Variants in ZEB1 observed in about 807,000 individuals in gnomAD.
ZEB1 encodes zinc finger E-box binding homeobox 1.
In ZEB1, 21 loss-of-function variants were observed where a neutral mutation model predicts 84.9. The observed-to-expected ratio is 0.25, with a 90% confidence interval of 0.18 to 0.36. The LOEUF is 0.36. ZEB1 is among the 10% of genes least tolerant of loss of function. ZEB1 has a pLI of 1.00. For missense variants in ZEB1, 1,104 were observed against 1,330.2 expected (o/e 0.83, Z 2.65); for synonymous variants, 420 against 471.1 (o/e 0.89, Z 1.41).
chr10:31,344,672 C>T (rs1485286917), intron 1 of ZEB1, among the ~76,000 whole-genome samples: 2 of 152,026 alleles, frequency 1.3e-5, no homozygotes, highest in African/African-American at 4.8e-5. Context: ...TTCGCTGTAC[C>T]TCATACACTT....
intron 1 of ZEB1, among the ~76,000 whole-genome samples, chr10:31,418,577 A>C (rs781478863): frequency 6.6e-6 from 1 of 152,096 alleles, no homozygotes; most frequent in Non-Finnish European, 1.5e-5. Context: ...GATGTTGTTT[A>C]AGGTTTATTT....
At chr10:31,442,917 T>C (rs147211670) in intron 1 of ZEB1, among the ~76,000 whole-genome samples, 2 of 152,102 alleles carry the variant, frequency 1.3e-5, no homozygotes, top group African/African-American at 2.4e-5. Context: ...TAAGATAAAA[T>C]AGGAAGAAAC....
chr10:31,516,953 A>T lies in ZEB1; in HGVS notation c.793+2245A>T, dbSNP rs114348382. On this transcript the variant is annotated intron_variant, in intron 6 of 8. Transcript: ENST00000424869. ...AAACCCTGTGTTACTCATTCTTGAG[A>T]TAAGTACAGAAATTGAGAGTAAGCA... Among the ~76,000 whole-genome samples the T allele has an allele frequency of 5.6e-3, 852 of 152,184 alleles. 13 individuals carry two copies. Among genetic ancestry groups the T allele is most frequent in the African/African-American group, 0.02 (817 of 41,532 alleles).
chr10:31,505,482 A>G (rs1245632435), intron 4 of ZEB1, among the ~76,000 whole-genome samples: 1 of 151,738 alleles, frequency 6.6e-6, no homozygotes, highest in Non-Finnish European at 1.5e-5. Flanking sequence ...CAGGTTTTCT[A>G]TTTCTTTCTA....
In ZEB1 at chr10:31,523,980, T is replaced by A; in HGVS notation, c.2652T>A (p.Asp884Glu). Residue 884 changes from aspartate (D) to glutamate (E), a missense_variant, in exon 8 of 9, where the codon GAT becomes GAA. Physicochemically the swap from Asp to Glu is conservative, Grantham distance 45. Around this residue, in one of 7 missense-constraint regions of ZEB1, gnomAD observed 531 missense variants for 575.2 expected, o/e 0.92. Coordinates refer to ENST00000424869, the MANE Select transcript of ZEB1 (RefSeq NM_001174096.2). ...CAGAAGGAGTATCAAATGTAGAGGA[T>A]CAGAATGACTCTGATTCTACACCGC... ...TSSEGVSNVE[D>E]QNDSDSTPPK... 1 of 1,613,930 alleles carries A rather than the reference T, an allele frequency of 6.2e-7. No homozygotes were observed. Among genetic ancestry groups the A allele is most frequent in the Non-Finnish European group, 8.5e-7 (1 of 1,179,930 alleles).
chr10:31,401,366 T>C (rs1415196406), intron 1 of ZEB1, among the ~76,000 whole-genome samples: 1 of 152,176 alleles, frequency 6.6e-6, no homozygotes, highest in Admixed American at 6.5e-5. Context: ...AGGTATGGAA[T>C]TGTGATCTCC....
At position 31,521,714 on chromosome 10, in the gene ZEB1, C is replaced by T; in HGVS notation, c.2382C>T (p.Ile794=). 6.2e-7 allele frequency: 1 copy of T among 1,614,156 alleles called. No individual in the cohort carries two copies. The highest frequency in any genetic ancestry group is 8.5e-7 in the Non-Finnish European group (1 of 1,180,024). Residue 794 remains isoleucine (I), a synonymous_variant, in exon 7 of 9, where the codon ATC becomes ATT. Coordinates refer to ENST00000424869, the MANE Select transcript of ZEB1 (RefSeq NM_001174096.2). The part of the protein sequence containing the change: ...VTDSEPVVNV[I]PPSANPINIA... ...ACTCAGAACCAGTTGTAAATGTAAT[C>T]CCACCAAGTGCCAACCCCATAAATA...
In ZEB1 at chr10:31,521,037, A is replaced by G. The variant is rs776201320; in HGVS notation, c.1705A>G (p.Lys569Glu). Residue 569 changes from lysine (K) to glutamate (E), a missense_variant, in exon 7 of 9, where the codon AAG becomes GAG. By Grantham distance (56) the Lys-to-Glu change is moderately conservative. Transcript: ENST00000424869. Reference protein sequence around the residue: ...PPPLPAAEAEKPESSVSSATG... With the variant: ...PPPLPAAEAEEPESSVSSATG... ...TCCACTCCCTGCAGCAGAAGCTGAG[A>G]AGCCTGAGTCCTCTGTTTCATCAGC... The G allele has an allele frequency of 1.9e-6, 3 of 1,614,064 alleles. No individual in the cohort carries two copies. In the South Asian group the frequency reaches 3.3e-5, roughly 18 times the overall value.
chr10:31,319,329 G>T (rs2033018270), intron 1 of ZEB1, 37 bp downstream of exon 1: 1 of 1,592,106 alleles, frequency 6.3e-7, no homozygotes, highest in Non-Finnish European at 8.5e-7. Context: ...GGCGGAGTCA[G>T]GGGGAGCTGG....
intron 1 of ZEB1, among the ~76,000 whole-genome samples, chr10:31,356,250 TTAAC>T (rs2042101259): frequency 6.6e-6 from 1 of 152,090 alleles, no homozygotes; most frequent in South Asian, 2.1e-4. Context: ...TTTGACTTCA[TTAAC>T]TAATATAGGG....
intron 1 of ZEB1, among the ~76,000 whole-genome samples, chr10:31,454,971 A>G (rs1010540989): frequency 3.9e-5 from 6 of 152,228 alleles, no homozygotes; most frequent in African/African-American, 1.4e-4. Flanking sequence ...CCTGGGCAAG[A>G]AGAACAAAGC....
At chr10:31,442,290 C>G (rs907842414) in intron 1 of ZEB1, among the ~76,000 whole-genome samples, 1 of 152,088 alleles carries the variant, frequency 6.6e-6, no homozygotes, top group African/African-American at 2.4e-5. Context: ...CCATCATTCT[C>G]AGCAAACTAT....
At chr10:31,397,912 T>C (rs950894514) in intron 1 of ZEB1, among the ~76,000 whole-genome samples, 1 of 152,170 alleles carries the variant, frequency 6.6e-6, no homozygotes, top group South Asian at 2.1e-4. Flanking sequence ...TGGATAGATA[T>C]TATTTTTGAA....
At chr10:31,358,847 T>A (rs758011146) in intron 1 of ZEB1, among the ~76,000 whole-genome samples, 3 of 152,238 alleles carry the variant, frequency 2.0e-5, no homozygotes, top group Non-Finnish European at 2.9e-5. Context: ...AATATTTTAG[T>A]ATCTGGGTCA....
intron 4 of ZEB1, among the ~76,000 whole-genome samples, chr10:31,507,102 A>T (rs1055542265): frequency 6.6e-6 from 1 of 152,082 alleles, no homozygotes; most frequent in Admixed American, 6.5e-5. Context: ...TTTGCTGGGT[A>T]TGATATTCTT....
At position 31,427,831 on chromosome 10, in the gene ZEB1, C is replaced by CCTGGGCAACTGAGCAAGACTCCATCT. The variant is rs771714114; in HGVS notation, c.59-33204_59-33179dup. Among the ~76,000 whole-genome samples, 6 of 151,206 alleles carry CCTGGGCAACTGAGCAAGACTCCATCT rather than the reference C, an allele frequency of 4.0e-5. No homozygotes were observed. In the South Asian group the frequency reaches 8.5e-4, roughly 21 times the overall value. ...CCGAGATTGCGCCACTGCACTCCAG[C>CCTGGGCAACTGAGCAAGACTCCATCT]CTGGGCAACTGAGCAAGACTCCATC... On this transcript the variant is annotated intron_variant, in intron 1 of 8. Transcript: ENST00000424869.
intron 1 of ZEB1, among the ~76,000 whole-genome samples, chr10:31,405,651 G>C (rs937646741): frequency 3.3e-5 from 5 of 151,568 alleles, no homozygotes; most frequent in African/African-American, 1.2e-4. Context: ...AGTTTTATTT[G>C]ATAGCTATCT....
chr10:31,465,367 A>G (rs1009876073), intron 2 of ZEB1, among the ~76,000 whole-genome samples: 2 of 151,920 alleles, frequency 1.3e-5, no homozygotes, highest in African/African-American at 4.8e-5. Context: ...ATAGATTGTT[A>G]TGACTATAAA....
At chr10:31,471,125 A>G (rs1310028662) in intron 2 of ZEB1, among the ~76,000 whole-genome samples, 1 of 130,718 alleles carries the variant, frequency 7.7e-6, no homozygotes. Context: ...AAATGTAAAG[A>G]CCATCGAGAC....
Sources: gnomAD v4.1 joint callset for allele counts (sites outside exome capture counted in the v4.1 genomes callset) on GRCh38, gnomAD v4.1.1 for gene constraint, gnomAD v4.1.1 regional missense constraint, MANE v1.5 for transcripts, NCBI Gene and HGNC (gene_info 2026-07-23, HGNC 2026-07-21) for gene names.